Variants in NAALADL2 observed in about 807,000 individuals in gnomAD.
NAALADL2 encodes the protein N-acetylated alpha-linked acidic dipeptidase like 2.
In NAALADL2, 76 loss-of-function variants were observed where a neutral mutation model predicts 87.2. The ratio of observed to expected loss-of-function variants is 0.87; its 90% CI spans 0.72 to 1.05. The LOEUF (loss-of-function observed/expected upper bound fraction) is 1.05. NAALADL2 is among the 50% of genes least tolerant of loss of function. NAALADL2 has a pLI of 0.00. For missense variants in NAALADL2, 1,089 were observed against 945.8 expected, an observed-to-expected ratio of 1.15 and a Z score of -1.99; for synonymous variants, 354 against 331.0, an observed-to-expected ratio of 1.07 and a Z score of -0.75.
chr3:175,567,984 G>C (rs1330383987), intron 9 of NAALADL2, among the ~76,000 whole-genome samples: 1 of 152,050 alleles, frequency 6.6e-6, no homozygotes, highest in Non-Finnish European at 1.5e-5. Context: ...CCAAAGTGCT[G>C]GGATTACAGG....
chr3:175,272,113 A>G lies in NAALADL2; in HGVS notation c.939+15583A>G, dbSNP rs549331297. Among the ~76,000 whole-genome samples, 5 of 152,326 alleles carry G rather than the reference A, an allele frequency of 3.3e-5. No individual in the cohort carries two copies. In the South Asian group the frequency reaches 6.2e-4, roughly 19 times the overall value. ...GAAGCCCAGAACGTTACCACATATT[A>G]GTGATGGTTTTGTGACCTAAGAGAC... On this transcript the variant is annotated intron_variant, in intron 4 of 13. Coordinates refer to ENST00000454872, the MANE Select transcript of NAALADL2 (RefSeq NM_207015.3).
intron 5 of NAALADL2, among the ~76,000 whole-genome samples, chr3:175,366,737 T>C (rs1225229597): frequency 8.0e-5 from 12 of 150,580 alleles, no homozygotes; most frequent in African/African-American, 2.9e-4. Flanking sequence ...TTGTTTGAGT[T>C]CATTGTAGAT....
At chr3:174,842,556 A>T (rs1724146257) in intron 3 of NAALADL2, among the ~76,000 whole-genome samples, 2 of 152,220 alleles carry the variant, frequency 1.3e-5, no homozygotes, top group Admixed American at 1.3e-4. Context: ...ATCTCATAAA[A>T]GTATACATCT....
At chr3:174,583,987 C>T (rs1450802863) in intron 2 of NAALADL2, among the ~76,000 whole-genome samples, 2 of 152,054 alleles carry the variant, frequency 1.3e-5, no homozygotes, top group African/African-American at 4.8e-5. Context: ...TTCTGTCACA[C>T]CATTTTGTTC....
At chr3:174,914,848 A>G (rs552711719) in intron 1 of NAALADL2, among the ~76,000 whole-genome samples, 314 of 152,268 alleles carry the variant, frequency 2.1e-3, no homozygotes, top group Middle Eastern at 0.01. Flanking sequence ...GGGGTTTCAA[A>G]CTCAATAAGG....
At chr3:175,342,686 A>G (rs1762690274) in intron 5 of NAALADL2, among the ~76,000 whole-genome samples, 1 of 152,136 alleles carries the variant, frequency 6.6e-6, no homozygotes, top group African/African-American at 2.4e-5. Context: ...CAATGACTAA[A>G]AAATAGCAAT....
chr3:175,103,751 C>T (rs1317735255), intron 2 of NAALADL2, among the ~76,000 whole-genome samples: 1 of 152,014 alleles, frequency 6.6e-6, no homozygotes, highest in Non-Finnish European at 1.5e-5. Context: ...CATAATTTAA[C>T]CGGGACAACT....
chr3:174,961,010 G>A (rs925470806), intron 1 of NAALADL2, among the ~76,000 whole-genome samples: 7 of 149,380 alleles, frequency 4.7e-5, no homozygotes, highest in African/African-American at 1.7e-4. Flanking sequence ...CCACTCCAGA[G>A]TGGGCTACAG....
chr3:175,068,422 T>C (rs1714953129), intron 1 of NAALADL2, among the ~76,000 whole-genome samples: 1 of 152,124 alleles, frequency 6.6e-6, no homozygotes, highest in African/African-American at 2.4e-5. Context: ...ATATGCATAA[T>C]ATTCAAAGAC....
chr3:174,788,479 C>G (rs1314237585), intron 3 of NAALADL2, among the ~76,000 whole-genome samples: 1 of 152,172 alleles, frequency 6.6e-6, no homozygotes, highest in Admixed American at 6.5e-5. Flanking sequence ...CTTCTTAAAT[C>G]TCTTTCCTTG....
chr3:175,280,493 A>G (rs1055306290), intron 4 of NAALADL2, among the ~76,000 whole-genome samples: 2 of 152,082 alleles, frequency 1.3e-5, no homozygotes, highest in African/African-American at 4.8e-5. Flanking sequence ...AAGAAATCCT[A>G]TTGCACCCTG....
chr3:175,637,548 G>C (rs1330952865), intron 11 of NAALADL2, among the ~76,000 whole-genome samples: 1 of 152,084 alleles, frequency 6.6e-6, no homozygotes, highest in Non-Finnish European at 1.5e-5. Context: ...GTTCCCACTA[G>C]AGTTGGTTGT....
chr3:175,186,678 C>T (rs9290546), intron 2 of NAALADL2, among the ~76,000 whole-genome samples: 5,763 of 152,154 alleles, frequency 0.038, 262 homozygotes, highest in African/African-American at 0.11. Flanking sequence ...GCAAAATGTT[C>T]TAATACTTGC....
chr3:175,273,700 T>C (rs1306543491), intron 4 of NAALADL2, among the ~76,000 whole-genome samples: 1 of 151,558 alleles, frequency 6.6e-6, no homozygotes, highest in Non-Finnish European at 1.5e-5. Flanking sequence ...GAGTATTTCA[T>C]AAAGAATATG....
chr3:174,795,701 C>G (rs141002245), intron 3 of NAALADL2, among the ~76,000 whole-genome samples: 1,926 of 152,288 alleles, frequency 0.013, 15 homozygotes, highest in South Asian at 0.029. Flanking sequence ...CCAACACTTG[C>G]TATTGTATGA....
chr3:174,746,486 G>T (rs1257526704), intron 3 of NAALADL2, among the ~76,000 whole-genome samples: 1 of 152,062 alleles, frequency 6.6e-6, no homozygotes, highest in Non-Finnish European at 1.5e-5. Context: ...AATCAATATT[G>T]TGAAAATAGC....
rs900260532 is a variant in NAALADL2 at position 175,807,201 on chromosome 3, T to C, written c.*3998T>C. Reference sequence around the variant, plus strand: ...ATTTCACTAAAAAAAGAAAAGCAGGTGCTGTGATTTAGAACAACAGTTTTA... The same window carrying C: ...ATTTCACTAAAAAAAGAAAAGCAGGCGCTGTGATTTAGAACAACAGTTTTA... On this transcript the variant is annotated 3_prime_UTR_variant, in exon 14 of 14. Coordinates refer to ENST00000454872, the MANE Select transcript of NAALADL2 (RefSeq NM_207015.3). The C allele has an allele frequency of 6.6e-6, 1 of 151,638 alleles. No homozygotes were observed. The highest frequency in any genetic ancestry group is 6.6e-5 in the Admixed American group (1 of 15,186). 9.4% of individuals were successfully genotyped at this position (151,638 alleles called of 1,614,324 possible).
chr3:174,502,298 T>G (rs1053476157), intron 1 of NAALADL2, among the ~76,000 whole-genome samples: 2 of 152,214 alleles, frequency 1.3e-5, no homozygotes. Flanking sequence ...AATGAATTTT[T>G]TTGTTGTTGT....
At position 175,436,493 on chromosome 3, in the gene NAALADL2, C is replaced by G. The variant is rs1192858595; in HGVS notation, c.1091-10736C>G. ...CAGTGTAAAAGTGTTCCTATTTCTC[C>G]ACATCCTCTCCAGCACCTGTTGTTT... On this transcript the variant is annotated intron_variant, in intron 5 of 13. Transcript: ENST00000454872. 9.7e-5 allele frequency among the ~76,000 whole-genome samples: 14 copies of G among 144,474 alleles called. No homozygotes were observed. In the East Asian group the frequency reaches 1.1e-3, roughly 12 times the overall value. The allele number at this position is 144,474 out of a possible 152,430, so 94.8% of individuals were successfully genotyped here. A position where few individuals can be genotyped will look rare whatever the true frequency, so the allele number is the denominator to read the frequency against.
Sources: allele counts gnomAD v4.1 joint callset (sites outside exome capture counted in the v4.1 genomes callset), GRCh38; gene constraint gnomAD v4.1.1; transcripts MANE v1.5; gene names NCBI Gene and HGNC (gene_info 2026-07-23, HGNC 2026-07-21).